RSPO3: variants seen among roughly 807,000 people sequenced by gnomAD.
RSPO3 encodes the protein R-spondin-3.
A neutral mutation model predicts 36.5 loss-of-function variants in RSPO3; 17 were observed. The observed-to-expected ratio is 0.47, with a 90% CI of 0.32 to 0.70. RSPO3 has a LOEUF of 0.70. Among genes scored for constraint, RSPO3 ranks in the 30% least tolerant of loss-of-function variants. RSPO3 has a pLI of 0.04. For synonymous variants in RSPO3, 108 were observed against 107.0 expected (o/e 1.01, Z -0.06); for missense variants, 294 against 322.5 (o/e 0.91, Z 0.68).
chr6:127,137,003 C>G (rs1204515711), intron 1 of RSPO3, among the ~76,000 whole-genome samples: 1 of 152,138 alleles, frequency 6.6e-6, no homozygotes, highest in East Asian at 1.9e-4. Flanking sequence ...AAACTGTCTT[C>G]AGGAAAAAGC....
intron 1 of RSPO3, among the ~76,000 whole-genome samples, chr6:127,139,582 T>TAA (rs34741454): frequency 1.3e-5 from 2 of 151,222 alleles, no homozygotes; most frequent in Non-Finnish European, 2.9e-5. Context: ...TTTCTAACCT[T>TAA]AAAAAAAAAT....
intron 1 of RSPO3, among the ~76,000 whole-genome samples, chr6:127,137,359 C>A (rs555138702): frequency 7.2e-5 from 11 of 152,188 alleles, no homozygotes; most frequent in Non-Finnish European, 1.6e-4. Flanking sequence ...CCACTACACT[C>A]CAACCTGGGT....
rs139653339 is a variant in RSPO3 at position 127,143,832 on chromosome 6, C to T, written c.98-4816C>T. On this transcript the variant is annotated intron_variant, in intron 1 of 4. Coordinates refer to ENST00000356698, the MANE Select transcript of RSPO3 (RefSeq NM_032784.5). ...CAGAAACAGAATTTAGTTCCCAATACTGTATTAGTTGATACATCATAAACA... is the reference window on the plus strand; with the variant it reads ...CAGAAACAGAATTTAGTTCCCAATATTGTATTAGTTGATACATCATAAACA... Among the ~76,000 whole-genome samples the T allele has an allele frequency of 1.1e-4, 17 of 152,238 alleles. No homozygotes were observed. The East Asian group carries it at 3.1e-3, about 28-fold the overall frequency.
chr6:127,121,452 T>C (rs777428753), intron 1 of RSPO3, among the ~76,000 whole-genome samples: 11 of 152,180 alleles, frequency 7.2e-5, no homozygotes, highest in Admixed American at 2.0e-4. Context: ...TGGAACTGGG[T>C]TGCAATTCCA....
At chr6:127,136,746 A>T (rs1473531852) in intron 1 of RSPO3, among the ~76,000 whole-genome samples, 1 of 152,166 alleles carries the variant, frequency 6.6e-6, no homozygotes, top group Non-Finnish European at 1.5e-5. Flanking sequence ...CTACAGTTCT[A>T]TGACTTTTCC....
intron 1 of RSPO3, among the ~76,000 whole-genome samples, chr6:127,130,374 G>C (rs1774027008): frequency 6.6e-6 from 1 of 152,012 alleles, no homozygotes; most frequent in African/African-American, 2.4e-5. Context: ...GCACTCTTTT[G>C]AGCTTAGACT....
chr6:127,184,401 T>G (rs999747498), intron 4 of RSPO3, among the ~76,000 whole-genome samples: 3 of 152,012 alleles, frequency 2.0e-5, no homozygotes, highest in African/African-American at 4.8e-5. Flanking sequence ...GAATTAAAAT[T>G]AGTAGATGAT....
At chr6:127,174,622 A>G (rs187888895) in intron 4 of RSPO3, among the ~76,000 whole-genome samples, 5 of 118,078 alleles carry the variant, frequency 4.2e-5, no homozygotes, top group Admixed American at 1.7e-4. Context: ...TATTCTCTAG[A>G]GCCACTAGAA....
At position 127,139,704 on chromosome 6, in the gene RSPO3, C is replaced by T. The variant is rs138053020; in HGVS notation, c.98-8944C>T. Among the ~76,000 whole-genome samples the T allele has an allele frequency of 2.7e-3, 418 of 152,132 alleles. 1 individual carries two copies. The highest frequency in any genetic ancestry group is 9.5e-3 in the African/African-American group (396 of 41,502). On this transcript the variant is annotated intron_variant, in intron 1 of 4. Coordinates refer to ENST00000356698, the MANE Select transcript of RSPO3 (RefSeq NM_032784.5). ...ACTGTTGGATCTGTCTTATGAAAAA[C>T]GCTGTTATTACCTACTAACTCATCA...
chr6:127,130,967 G>C (rs1774040205), intron 1 of RSPO3, among the ~76,000 whole-genome samples: 1 of 151,970 alleles, frequency 6.6e-6, no homozygotes, highest in Non-Finnish European at 1.5e-5. Flanking sequence ...CCTCAAGATG[G>C]TAACTCTCAG....
At chr6:127,185,846 T>C (rs1191847747) in intron 4 of RSPO3, among the ~76,000 whole-genome samples, 2 of 152,046 alleles carry the variant, frequency 1.3e-5, no homozygotes, top group African/African-American at 4.8e-5. Context: ...ACAGCAAACA[T>C]GTCAGCAAGT....
chr6:127,148,493 A>T (rs1774429312), intron 1 of RSPO3, among the ~76,000 whole-genome samples, 155 bp from the exon 2 acceptor site: 1 of 152,022 alleles, frequency 6.6e-6, no homozygotes. Context: ...GAAATAAAAG[A>T]TCATAAAAAA....
At chr6:127,190,305 G>A (rs909409244) in intron 4 of RSPO3, among the ~76,000 whole-genome samples, 7 of 152,086 alleles carry the variant, frequency 4.6e-5, no homozygotes, top group Admixed American at 1.3e-4. Flanking sequence ...GCACGCACCT[G>A]TACTTCCAGC....
At position 127,134,950 on chromosome 6, in the gene RSPO3, A is replaced by G. The variant is rs545517913; in HGVS notation, c.98-13698A>G. Among the ~76,000 whole-genome samples the G allele has an allele frequency of 5.3e-5, 8 of 152,332 alleles. No individual in the cohort carries two copies. The South Asian group carries it at 1.7e-3, about 32-fold the overall frequency. ...CTTTTCATTAAGCCTGTAAAAGAGA[A>G]TGCCAGAGGAGGTTTAAATGAGAAA... On this transcript the variant is annotated intron_variant, in intron 1 of 4. Transcript: ENST00000356698.
At chr6:127,127,899 C>T (rs1329048264) in intron 1 of RSPO3, among the ~76,000 whole-genome samples, 2 of 152,044 alleles carry the variant, frequency 1.3e-5, no homozygotes, top group Non-Finnish European at 2.9e-5. Flanking sequence ...CAAGTACCCT[C>T]CTCTACATCG....
At chr6:127,195,532 A>T (rs1039261628) in intron 4 of RSPO3, among the ~76,000 whole-genome samples, 1 of 152,212 alleles carries the variant, frequency 6.6e-6, no homozygotes, top group Non-Finnish European at 1.5e-5. Flanking sequence ...TCCATGAAAC[A>T]TGCATAAATA....
intron 2 of RSPO3, among the ~76,000 whole-genome samples, chr6:127,149,161 T>C (rs1485140372): frequency 6.6e-6 from 1 of 152,118 alleles, no homozygotes; most frequent in Non-Finnish European, 1.5e-5. Context: ...AATCCAAGTA[T>C]TGACTAACTT....
chr6:127,165,230 A>G (rs138024607), intron 4 of RSPO3, among the ~76,000 whole-genome samples: 339 of 152,168 alleles, frequency 2.2e-3, no homozygotes, highest in African/African-American at 7.8e-3. Context: ...ATGAACAAAA[A>G]TTATTGTCTT....
intron 4 of RSPO3, among the ~76,000 whole-genome samples, chr6:127,185,088 T>G (rs1289500321): frequency 1.3e-5 from 2 of 151,998 alleles, no homozygotes; most frequent in African/African-American, 2.4e-5. Context: ...AGGGTGGATA[T>G]TTCTAGATTA....
Sources: allele counts gnomAD v4.1 joint callset (sites outside exome capture counted in the v4.1 genomes callset), GRCh38; gene constraint gnomAD v4.1.1; transcripts MANE v1.5; gene names NCBI Gene and HGNC (gene_info 2026-07-23, HGNC 2026-07-21).